Variants in C7orf57 observed in about 807,000 individuals in gnomAD.
C7orf57 encodes uncharacterized protein C7orf57.
A neutral mutation model predicts 39.0 loss-of-function variants in C7orf57; 33 were observed. The observed-to-expected ratio is 0.85, with a 90% CI of 0.64 to 1.13. The LOEUF is 1.13. Ranked by LOEUF, C7orf57 falls within the 50% of genes most tolerant of loss-of-function variation. The pLI is 0.00. For synonymous variants in C7orf57, 124 were observed against 137.1 expected, an observed-to-expected ratio of 0.90 and a Z score of 0.67; for missense variants, 346 against 362.3, an observed-to-expected ratio of 0.95 and a Z score of 0.37.
At chr7:48,036,969 T>C (rs564596141) in intron 2 of C7orf57, among the ~76,000 whole-genome samples, 8 of 151,982 alleles carry the variant, frequency 5.3e-5, no homozygotes, top group African/African-American at 1.7e-4. Context: ...TTTTTATTTG[T>C]GAAAGGCTGT....
chr7:48,037,747 C>CTGTGTGTG (rs1554298373), intron 2 of C7orf57, among the ~76,000 whole-genome samples: 1 of 94,386 alleles, frequency 1.1e-5, no homozygotes, highest in Non-Finnish European at 2.4e-5. Flanking sequence ...CCCTTTAACC[C>CTGTGTGTG]TCTGTGTGTG....
intron 8 of C7orf57, among the ~76,000 whole-genome samples, chr7:48,055,234 T>C (rs1242944710): frequency 6.6e-6 from 1 of 152,202 alleles, no homozygotes; most frequent in Non-Finnish European, 1.5e-5. Flanking sequence ...TGGACACACA[T>C]TGTATTACTC....
chr7:48,045,248 A>G (rs1329593713), intron 4 of C7orf57, among the ~76,000 whole-genome samples: 1 of 152,102 alleles, frequency 6.6e-6, no homozygotes, highest in Non-Finnish European at 1.5e-5. Flanking sequence ...CTGGGAACCC[A>G]GGAGCTATAA....
chr7:48,048,750 C>G (rs568209222), intron 5 of C7orf57, among the ~76,000 whole-genome samples: 2 of 149,702 alleles, frequency 1.3e-5, no homozygotes, highest in Admixed American at 6.7e-5. Context: ...AGCCTCTCCC[C>G]TGCCCCTTGC....
intron 2 of C7orf57, among the ~76,000 whole-genome samples, chr7:48,039,843 G>A (rs1262646332): frequency 6.6e-6 from 1 of 150,434 alleles, no homozygotes; most frequent in East Asian, 1.9e-4. Context: ...GTGACAGTAC[G>A]TTCTGATAAG....
intron 7 of C7orf57, among the ~76,000 whole-genome samples, chr7:48,053,391 C>T (rs1014188448): frequency 2.6e-5 from 4 of 152,024 alleles, no homozygotes; most frequent in Non-Finnish European, 5.9e-5. Context: ...TAATTTAGAA[C>T]TTTCTCCACA....
At chr7:48,051,749 C>CTTT (rs1160761305) in intron 6 of C7orf57, among the ~76,000 whole-genome samples, 2 of 36,170 alleles carry the variant, frequency 5.5e-5, no homozygotes, top group African/African-American at 1.7e-4. Context: ...CTTTCTTTTT[C>CTTT]TTTTCTTTCT....
At chr7:48,041,900 T>C (rs1249920000) in intron 3 of C7orf57, among the ~76,000 whole-genome samples, 1 of 152,240 alleles carries the variant, frequency 6.6e-6, no homozygotes, top group African/African-American at 2.4e-5. Flanking sequence ...AAAGGTTTTG[T>C]TGTTTATTCT....
intron 2 of C7orf57, among the ~76,000 whole-genome samples, chr7:48,039,922 G>A (rs1430994963): frequency 6.6e-6 from 1 of 151,884 alleles, no homozygotes; most frequent in Middle Eastern, 3.4e-3. Flanking sequence ...TTCTTCCTGG[G>A]TTTTGTTTCT....
chr7:48,039,156 T>TA (rs1461268937), intron 2 of C7orf57, among the ~76,000 whole-genome samples: 20 of 152,202 alleles, frequency 1.3e-4, no homozygotes, highest in Admixed American at 1.3e-3. Context: ...CTACAGAATG[T>TA]AGATTTTCCC....
intron 6 of C7orf57, among the ~76,000 whole-genome samples, chr7:48,051,873 CTTTCTCTTTCT>C (rs1790953460): frequency 8.0e-5 from 2 of 25,028 alleles, no homozygotes; most frequent in Non-Finnish European, 1.6e-4. Flanking sequence ...CTTTCTTTCT[CTTTCTCTTTCT>C]TTCTTTCCTT....
chr7:48,051,888 T>TTCCTTCCTTCC (rs1790957289), intron 6 of C7orf57, among the ~76,000 whole-genome samples: 4 of 72,840 alleles, frequency 5.5e-5, no homozygotes, highest in African/African-American at 1.2e-4. Flanking sequence ...TCTTTCTTTC[T>TTCCTTCCTTCC]TTCCTTCCTT....
In C7orf57 at chr7:48,046,104, C is replaced by T. The variant is rs143880991; in HGVS notation, c.351-356C>T. Among the ~76,000 whole-genome samples the T allele has an allele frequency of 2.2e-4, 33 of 151,962 alleles. No individual in the cohort carries two copies. In the East Asian group the frequency reaches 6.4e-3, roughly 29 times the overall value. On this transcript the variant is annotated intron_variant, in intron 4 of 8. Coordinates refer to ENST00000348904, the MANE Select transcript of C7orf57 (RefSeq NM_001100159.3). ...CTAAGTGGGCCTCCTGATCCTGGGA[C>T]GCAGGGCCTGGAGGGGTTGGTGTGT...
At chr7:48,050,812 T>C (rs1790852446) in intron 6 of C7orf57, among the ~76,000 whole-genome samples, 1 of 151,730 alleles carries the variant, frequency 6.6e-6, no homozygotes, top group African/African-American at 2.4e-5. Context: ...TGGGGCTATA[T>C]GCATGCACCA....
At chr7:48,047,855 A>G (rs1269651501) in intron 5 of C7orf57, among the ~76,000 whole-genome samples, 1 of 152,060 alleles carries the variant, frequency 6.6e-6, no homozygotes, top group Non-Finnish European at 1.5e-5. Flanking sequence ...GGTGCATACT[A>G]CCGTAGACAC....
Position 48,061,156 on chromosome 7 carries a change from A to T in C7orf57, c.*884A>T, listed in dbSNP as rs1432354651. ...TTGCTTACCTAAAATTTAAGTTTCA[A>T]ATTAGTTCTCTATATGAGATACTTA... On this transcript the variant is annotated 3_prime_UTR_variant, in exon 9 of 9. Coordinates refer to ENST00000348904, the MANE Select transcript of C7orf57 (RefSeq NM_001100159.3). 1 of 152,186 alleles carries T rather than the reference A, an allele frequency of 6.6e-6. No individual in the cohort carries two copies. Among genetic ancestry groups the T allele is most frequent in the East Asian group, 1.9e-4 (1 of 5,200 alleles). The allele number at this position is 152,186 out of a possible 1,614,324, so 9.4% of individuals were successfully genotyped here.
intron 4 of C7orf57, 124 bp from the exon 5 acceptor site, chr7:48,046,336 C>G (rs1415001089): frequency 2.5e-6 from 2 of 793,512 alleles, no homozygotes; most frequent in Admixed American, 5.9e-5. Flanking sequence ...AGGAGGGAGA[C>G]AGTGAGAGAA....
chr7:48,044,161 C>G (rs6979699), intron 4 of C7orf57, among the ~76,000 whole-genome samples: 64,194 of 152,008 alleles, frequency 0.42, 13,716 homozygotes, highest in Middle Eastern at 0.55. Flanking sequence ...TGGGTGCCTC[C>G]CTGGATCAGA....
At chr7:48,036,048 G>C (rs1204113524) in intron 1 of C7orf57, among the ~76,000 whole-genome samples, 160 bp from the exon 2 acceptor site, 1 of 152,004 alleles carries the variant, frequency 6.6e-6, no homozygotes, top group African/African-American at 2.4e-5. Flanking sequence ...CTGTATACCG[G>C]CGTGATGTGC....
Sources: allele counts gnomAD v4.1 joint callset (sites outside exome capture counted in the v4.1 genomes callset), GRCh38; gene constraint gnomAD v4.1.1; transcripts MANE v1.5; gene names NCBI Gene and HGNC (gene_info 2026-07-23, HGNC 2026-07-21).